The following KIF6 variants were observed in gnomAD, a reference collection of about 807,000 sequenced individuals.
The protein encoded by KIF6 is kinesin-like protein KIF6.
In KIF6, 106 loss-of-function variants were observed where a neutral mutation model predicts 112.7. The observed-to-expected ratio is 0.94, with a 90% confidence interval of 0.80 to 1.11. The LOEUF (loss-of-function observed/expected upper bound fraction) is 1.11, where lower values mean the gene tolerates loss of function less well. Among genes scored for constraint, KIF6 ranks in the 50% least tolerant of loss-of-function variants. KIF6 has a pLI of 0.00. For synonymous variants in KIF6, 339 were observed against 339.9 expected, an observed-to-expected ratio of 1.00 and a Z score of 0.03; for missense variants, 929 against 964.0, an observed-to-expected ratio of 0.96 and a Z score of 0.48.
At chr6:39,618,282 G>C (rs1198982274) in intron 5 of KIF6, among the ~76,000 whole-genome samples, 1 of 152,100 alleles carries the variant, frequency 6.6e-6, no homozygotes, top group African/African-American at 2.4e-5. Context: ...TCTTTTCTTT[G>C]TAGTTTTATC....
chr6:39,631,381 A>ATTCAGTCT (rs1784344763), intron 5 of KIF6, among the ~76,000 whole-genome samples: 1 of 152,140 alleles, frequency 6.6e-6, no homozygotes, highest in Admixed American at 6.6e-5. Flanking sequence ...GGAGGAAAAC[A>ATTCAGTCT]TTCAGTCTTT....
chr6:39,490,910 G>A (rs542755725), intron 13 of KIF6, among the ~76,000 whole-genome samples: 126 of 152,184 alleles, frequency 8.3e-4, no homozygotes, highest in Admixed American at 1.3e-3. Context: ...CATAAATGTA[G>A]AGCTGTGTTG....
At chr6:39,449,164 C>T (rs1772526718) in intron 13 of KIF6, among the ~76,000 whole-genome samples, 1 of 152,214 alleles carries the variant, frequency 6.6e-6, no homozygotes, top group African/African-American at 2.4e-5. Flanking sequence ...CCATTTTGCC[C>T]TCCTGCAATA....
intron 13 of KIF6, among the ~76,000 whole-genome samples, chr6:39,534,819 T>C (rs1414564462): frequency 6.6e-6 from 1 of 152,164 alleles, no homozygotes; most frequent in Non-Finnish European, 1.5e-5. Flanking sequence ...GGAGAAAGGT[T>C]GGGTTACCCA....
chr6:39,593,711 T>G (rs1352819996), intron 7 of KIF6, among the ~76,000 whole-genome samples: 1 of 152,212 alleles, frequency 6.6e-6, no homozygotes, highest in Non-Finnish European at 1.5e-5. Flanking sequence ...AACTAAGAGC[T>G]GACAGGCTTG....
chr6:39,421,436 G>C (rs773993979), intron 14 of KIF6, among the ~76,000 whole-genome samples: 2 of 151,992 alleles, frequency 1.3e-5, no homozygotes, highest in Admixed American at 6.6e-5. Context: ...CTAATATCCC[G>C]GCAAATCCCA....
intron 13 of KIF6, among the ~76,000 whole-genome samples, chr6:39,447,473 T>G (rs969038133): frequency 5.3e-5 from 8 of 152,152 alleles, no homozygotes; most frequent in African/African-American, 1.7e-4. Flanking sequence ...TTAAAATGTA[T>G]GCTGAATCGG....
At chr6:39,425,769 A>G (rs967207070) in intron 14 of KIF6, among the ~76,000 whole-genome samples, 7 of 146,382 alleles carry the variant, frequency 4.8e-5, no homozygotes, top group African/African-American at 1.3e-4. Context: ...TTATCATTTT[A>G]GTTCAGCAGA....
rs558913443 is a variant in KIF6, at chr6:39,698,587, G to A, written c.251+16105C>T. ...TTCCTGACACAATTGGCTAGGCACCGAAACTCAGAGTGAAAACACAGACAC... is the reference window on the plus strand; with the variant it reads ...TTCCTGACACAATTGGCTAGGCACCAAAACTCAGAGTGAAAACACAGACAC... On this transcript the variant is annotated intron_variant, in intron 3 of 22. Transcript: ENST00000287152. Among the ~76,000 whole-genome samples the A allele has an allele frequency of 5.3e-5, 8 of 152,238 alleles. No individual in the cohort carries two copies. The South Asian group carries it at 8.3e-4, about 16-fold the overall frequency.
chr6:39,357,519 G>A (rs1356269783), intron 18 of KIF6, 145 bp from the exon 19 acceptor site: 5 of 540,176 alleles, frequency 9.3e-6, no homozygotes, highest in Admixed American at 3.3e-5. Flanking sequence ...CGCGATCTCA[G>A]CTCACTGCAA....
chr6:39,669,993 G>A (rs1410759837), intron 3 of KIF6, among the ~76,000 whole-genome samples: 1 of 152,194 alleles, frequency 6.6e-6, no homozygotes, highest in Non-Finnish European at 1.5e-5. Flanking sequence ...AAGTCACTGG[G>A]AAAGGGTCTT....
chr6:39,525,255 C>T (rs1777647918), intron 13 of KIF6, among the ~76,000 whole-genome samples: 1 of 152,104 alleles, frequency 6.6e-6, no homozygotes, highest in South Asian at 2.1e-4. Context: ...GTGATCCTCC[C>T]ACCTCAGCCT....
At chr6:39,621,075 A>AT (rs1242347807) in intron 5 of KIF6, among the ~76,000 whole-genome samples, 1 of 151,558 alleles carries the variant, frequency 6.6e-6, no homozygotes. Flanking sequence ...AGCCTACAAC[A>AT]TTTTTTTAAT....
chr6:39,576,353 A>G (rs1320534343), intron 10 of KIF6, among the ~76,000 whole-genome samples: 3 of 151,566 alleles, frequency 2.0e-5, no homozygotes, highest in Non-Finnish European at 4.4e-5. Context: ...CGAACTCCTG[A>G]CCTCAGGTGA....
intron 6 of KIF6, among the ~76,000 whole-genome samples, chr6:39,607,655 G>A (rs1274715919): frequency 2.0e-5 from 3 of 151,902 alleles, no homozygotes; most frequent in African/African-American, 7.3e-5. Context: ...CAAACTCCTG[G>A]GCTCAAGCAA....
intron 15 of KIF6, among the ~76,000 whole-genome samples, chr6:39,389,993 T>C (rs540511083): frequency 1.2e-4 from 17 of 138,324 alleles, no homozygotes; most frequent in African/African-American, 3.9e-4. Context: ...ATCGCGCCGC[T>C]GCACTCCAGC....
intron 5 of KIF6, among the ~76,000 whole-genome samples, chr6:39,623,494 C>T (rs1266089996): frequency 6.6e-6 from 1 of 152,184 alleles, no homozygotes; most frequent in Non-Finnish European, 1.5e-5. Flanking sequence ...AGTTCTCGAA[C>T]ATTTCCTGAG....
intron 13 of KIF6, among the ~76,000 whole-genome samples, chr6:39,524,593 C>A (rs1307278843): frequency 6.6e-6 from 1 of 152,188 alleles, no homozygotes; most frequent in Non-Finnish European, 1.5e-5. Flanking sequence ...AAGCCATGCT[C>A]CTTACAGGGG....
At chr6:39,615,473 C>T (rs942455277) in intron 5 of KIF6, among the ~76,000 whole-genome samples, 9 of 152,056 alleles carry the variant, frequency 5.9e-5, no homozygotes, top group African/African-American at 2.2e-4. Flanking sequence ...TCTGTGGATA[C>T]ACACACCCAC....
Sources: allele counts gnomAD v4.1 joint callset (sites outside exome capture counted in the v4.1 genomes callset), GRCh38; gene constraint gnomAD v4.1.1; transcripts MANE v1.5; gene names NCBI Gene and HGNC (gene_info 2026-07-23, HGNC 2026-07-21).